CWC15: variants seen among roughly 807,000 people sequenced by gnomAD.
CWC15 encodes the protein spliceosome-associated protein CWC15 homolog.
In CWC15, 12 loss-of-function variants were observed where a neutral mutation model predicts 28.4. The observed-to-expected ratio is 0.42, with a 90% CI of 0.27 to 0.69. CWC15 has a LOEUF of 0.69. Ranked by LOEUF, CWC15 falls within the 30% of genes least tolerant of loss-of-function variation. CWC15 has a pLI of 0.23. For missense variants in CWC15, 192 were observed against 271.5 expected (o/e 0.71, Z 2.06); for synonymous variants, 92 against 88.4 (o/e 1.04, Z -0.23).
At chr11:94,970,875 A>G in intron 4 of CWC15, 102 bp downstream of exon 4, 1 of 972,978 alleles carries the variant, frequency 1.0e-6, no homozygotes. Flanking sequence ...AACAGTAACT[A>G]AACATAAATA....
At chr11:94,970,653 T>C (rs1857706193) in intron 4 of CWC15, 1 of 290,806 alleles carries the variant, frequency 3.4e-6, no homozygotes, top group South Asian at 4.0e-5. Context: ...GGAAGCCCAG[T>C]ATGAAGAGTG....
chr11:94,967,107 A>T (rs2134100110), intron 5 of CWC15, among the ~76,000 whole-genome samples: 1 of 146,750 alleles, frequency 6.8e-6, no homozygotes, highest in South Asian at 2.1e-4. Flanking sequence ...GTGCAATGGC[A>T]TGATCTCAGC....
At chr11:94,972,618 T>A (rs1004435431) in intron 1 of CWC15, among the ~76,000 whole-genome samples, 1 of 152,184 alleles carries the variant, frequency 6.6e-6, no homozygotes, top group Non-Finnish European at 1.5e-5. Context: ...TCTACCAGAC[T>A]CTGTAAGGTT....
chr11:94,970,402 C>T (rs1483660177), intron 4 of CWC15: 1 of 206,782 alleles, frequency 4.8e-6, no homozygotes, highest in Non-Finnish European at 9.6e-6. Flanking sequence ...TTAGATATTA[C>T]TCATTGGATG....
rs1165773652 is a variant in CWC15 at position 94,963,209 on chromosome 11, T to G, written c.*176A>C. On this transcript the variant is annotated 3_prime_UTR_variant, in exon 7 of 7. Coordinates refer to ENST00000279839, the MANE Select transcript of CWC15 (RefSeq NM_016403.4). The stretch of plus-strand genomic sequence containing the variant: ...AACATTTGGAGAATGCAAACTGGGT[T>G]AAACCTATTCCCAAGTCCATTATCA... 1 of 443,032 alleles carries G rather than the reference T, an allele frequency of 2.3e-6. No individual in the cohort carries two copies. Among genetic ancestry groups the G allele is most frequent in the Non-Finnish European group, 3.9e-6 (1 of 258,710 alleles). 27.4% of individuals were successfully genotyped at this position (443,032 alleles called of 1,614,324 possible). A position where few individuals can be genotyped will look rare whatever the true frequency, so the allele number is the denominator to read the frequency against.
In CWC15 at chr11:94,967,070, C is replaced by T. The variant is rs1427211542; in HGVS notation, c.442-657G>A. The stretch of plus-strand genomic sequence containing the variant: ...GTTTTTCTTTTTTTTTTTTTTGAGA[C>T]GGAGTCTCACTGTTGCCCAGGCTGG... On this transcript the variant is annotated intron_variant, in intron 5 of 6. Coordinates refer to ENST00000279839, the MANE Select transcript of CWC15 (RefSeq NM_016403.4). 3.0e-5 allele frequency among the ~76,000 whole-genome samples: 4 copies of T among 134,112 alleles called. No homozygotes were observed. In the East Asian group the frequency reaches 6.5e-4, roughly 22 times the overall value. The allele number at this position is 134,112 out of a possible 152,430, so 88.0% of individuals were successfully genotyped here. A position where few individuals can be genotyped will look rare whatever the true frequency, so the allele number is the denominator to read the frequency against.
Position 94,963,476 on chromosome 11 carries a change from C to A in CWC15, c.599G>T (p.Gly200Val), listed in dbSNP as rs1192647375. 1 of 1,581,702 alleles carries A rather than the reference C, an allele frequency of 6.3e-7. No homozygotes were observed. The highest frequency in any genetic ancestry group is 8.6e-7 in the Non-Finnish European group (1 of 1,161,918). The change falls in exon 7 of 7, where the codon GGT becomes GTT. Residue 200 changes from glycine (G) to valine (V), a missense_variant. Coordinates refer to ENST00000279839, the MANE Select transcript of CWC15 (RefSeq NM_016403.4). ...DDVVFKNCAK[G>V]VDDQKKDKRF... ...TTTGTCTTTCTTCTGGTCATCTACA[C>A]CTTTTGCACAGTTCTTGAAGACAAC...
intron 4 of CWC15, chr11:94,970,413 C>T (rs1230204227): frequency 1.0e-5 from 2 of 199,398 alleles, no homozygotes; most frequent in Non-Finnish European, 2.0e-5. Context: ...TCATTGGATG[C>T]CACTCAGGTT....
rs1555096199 is a variant in CWC15 at position 94,971,393 on chromosome 11, T to C, written c.226A>G (p.Arg76Gly). The change falls in exon 3 of 7, where the codon AGG becomes GGG. Residue 76 changes from arginine (R) to glycine (G), a missense_variant. Arg to Gly is a moderately radical substitution (Grantham distance 125, BLOSUM62 -2). This residue lies in a region of CWC15 where 188 missense variants were observed against 250.3 expected (regional missense o/e 0.75). Coordinates refer to ENST00000279839, the MANE Select transcript of CWC15 (RefSeq NM_016403.4). ...TTGGTACCTCGGGTTGGACGATCCC[T>C]ATTTTTCTCTCTTGCAGCAGCTCTC... is the stretch of plus-strand genomic sequence containing the variant. ...RERAAAREKN[R>G]DRPTREHTTS... 6.2e-7 allele frequency: 1 copy of C among 1,612,242 alleles called. No individual in the cohort carries two copies. The highest frequency in any genetic ancestry group is 8.5e-7 in the Non-Finnish European group (1 of 1,178,948).
In CWC15 at chr11:94,963,332, G is replaced by A; in HGVS notation, c.*53C>T. ...AAGAAAAAAAAAACTCATAAAAAAA[G>A]TCAGAATGATCCTTTACGTTTTACA... On this transcript the variant is annotated 3_prime_UTR_variant, in exon 7 of 7. Transcript: ENST00000279839. 7.3e-7 allele frequency: 1 copy of A among 1,379,104 alleles called. No homozygotes were observed. The highest frequency in any genetic ancestry group is 9.6e-7 in the Non-Finnish European group (1 of 1,043,004). The allele number at this position is 1,379,104 out of a possible 1,614,324, so 85.4% of individuals were successfully genotyped here.
rs782462796 is a variant in CWC15 at position 94,972,070 on chromosome 11, G to C, written c.116C>G (p.Thr39Arg). The change falls in exon 2 of 7, where the codon ACA (threonine) becomes AGA (arginine). Residue 39 changes from threonine (T) to arginine (R), a missense_variant. Transcript: ENST00000279839. ...GTCTTACTACCTGTATTTTATCTTT[G>C]TATGAGAGGGTAGGTCTCTGCTTGA... ...QYSSRDLPSHTKIKYRQTTQD... is the reference protein window; with the variant it reads ...QYSSRDLPSHRKIKYRQTTQD... 6 of 1,611,570 alleles carry C rather than the reference G, an allele frequency of 3.7e-6. No individual in the cohort carries two copies. In the Admixed American group the frequency reaches 8.4e-5, roughly 23 times the overall value.
intron 5 of CWC15, among the ~76,000 whole-genome samples, chr11:94,966,637 T>C (rs1258739801): frequency 6.6e-6 from 1 of 151,592 alleles, no homozygotes; most frequent in Non-Finnish European, 1.5e-5. Context: ...AAATATTTCA[T>C]GGTTGATATC....
At position 94,963,155 on chromosome 11, in the gene CWC15, T is replaced by G; in HGVS notation, c.*230A>C. ...TAAAAATATTTATTACAGGCAGATTTGCTTTTCCCAGGAAAACATATCACT... is the reference window on the plus strand; with the variant it reads ...TAAAAATATTTATTACAGGCAGATTGGCTTTTCCCAGGAAAACATATCACT... On this transcript the variant is annotated 3_prime_UTR_variant, in exon 7 of 7. Transcript: ENST00000279839. The G allele has an allele frequency of 3.2e-6, 1 of 316,586 alleles. No homozygotes were observed. The highest frequency in any genetic ancestry group is 5.7e-6 in the Non-Finnish European group (1 of 175,278). The allele number at this position is 316,586 out of a possible 1,614,324, so 19.6% of individuals were successfully genotyped here.
At chr11:94,966,544 GC>G (rs1857646906) in intron 5 of CWC15, 131 bp from the exon 6 acceptor site, 18 of 375,186 alleles carry the variant, frequency 4.8e-5, no homozygotes, top group Middle Eastern at 7.4e-4. Context: ...ATCAAGGCAG[GC>G]TTTTTTTTTT....
chr11:94,964,998 T>A (rs1397133965), intron 6 of CWC15, among the ~76,000 whole-genome samples: 2 of 152,238 alleles, frequency 1.3e-5, no homozygotes, highest in African/African-American at 4.8e-5. Context: ...TCAGGAGTAC[T>A]GCATCACTCC....
At chr11:94,967,273 A>G (rs782440115) in intron 5 of CWC15, among the ~76,000 whole-genome samples, 37 of 151,904 alleles carry the variant, frequency 2.4e-4, no homozygotes, top group Non-Finnish European at 2.2e-4. Context: ...TGATCCGTTC[A>G]CCTCGGCCTC....
chr11:94,971,168 T>G, intron 3 of CWC15, 103 bp from the exon 4 acceptor site: 1 of 1,135,608 alleles, frequency 8.8e-7, no homozygotes, highest in Non-Finnish European at 1.3e-6. Context: ...AAAAGCATTA[T>G]CCACAGTGAA....
chr11:94,963,363 T>C lies in CWC15; in HGVS notation c.*22A>G. 9 of 1,536,280 alleles carry C rather than the reference T, an allele frequency of 5.9e-6. No individual in the cohort carries two copies. The highest frequency in any genetic ancestry group is 7.9e-6 in the Non-Finnish European group (9 of 1,139,858). On this transcript the variant is annotated 3_prime_UTR_variant, in exon 7 of 7. Coordinates refer to ENST00000279839, the MANE Select transcript of CWC15 (RefSeq NM_016403.4). ...ATGATCCTTTACGTTTTACAGTCTT[T>C]AATTAAGCACATAAAACTGTACTAT...
chr11:94,963,118 G>A lies in CWC15; in HGVS notation c.*267C>T, dbSNP rs587711426. 37 of 241,186 alleles carry A rather than the reference G, an allele frequency of 1.5e-4. No homozygotes were observed. Among genetic ancestry groups the A allele is most frequent in the Middle Eastern group, 1.3e-3 (1 of 792 alleles). The allele number at this position is 241,186 out of a possible 1,614,324, so 14.9% of individuals were successfully genotyped here. A position where few individuals can be genotyped will look rare whatever the true frequency, so the allele number is the denominator to read the frequency against. ...AACAAAAAGTTGGGCACCCAGATTT[G>A]GTTATTTAGATTAAAAATATTTATT... On this transcript the variant is annotated 3_prime_UTR_variant, in exon 7 of 7. Coordinates refer to ENST00000279839, the MANE Select transcript of CWC15 (RefSeq NM_016403.4).
Sources: allele counts gnomAD v4.1 joint callset (sites outside exome capture counted in the v4.1 genomes callset), GRCh38; gene constraint gnomAD v4.1.1; regional missense constraint gnomAD v4.1.1; transcripts MANE v1.5; gene names NCBI Gene and HGNC (gene_info 2026-07-23, HGNC 2026-07-21).